The following ACTL8 variants were observed in gnomAD, a reference collection of about 807,000 sequenced individuals.
The protein encoded by ACTL8 is actin like 8.
Under a neutral mutation model 9.3 loss-of-function variants are expected in ACTL8, and 3 were observed. That is an observed-to-expected ratio of 0.32 (90% CI 0.15 to 0.83). ACTL8 has a LOEUF of 0.83. Among genes scored for constraint, ACTL8 ranks in the 40% least tolerant of loss-of-function variants. The pLI is 0.57. For missense variants in ACTL8, 381 were observed against 492.2 expected (o/e 0.77, Z 2.14); for synonymous variants, 224 against 205.9 (o/e 1.09, Z -0.75).
At chr1:17,797,549 A>T (rs1000521443) in intron 1 of ACTL8, among the ~76,000 whole-genome samples, 6 of 152,070 alleles carry the variant, frequency 3.9e-5, no homozygotes, top group African/African-American at 1.4e-4. Context: ...AAGCATTGTG[A>T]CTCTGCAGGC....
intron 1 of ACTL8, among the ~76,000 whole-genome samples, chr1:17,763,945 A>G (rs2066025916): frequency 6.6e-6 from 1 of 152,184 alleles, no homozygotes; most frequent in Admixed American, 6.5e-5. Flanking sequence ...CATTTACTAA[A>G]TGGGCTAACT....
intron 1 of ACTL8, among the ~76,000 whole-genome samples, chr1:17,757,117 A>G (rs553657695): frequency 6.6e-6 from 1 of 152,334 alleles, no homozygotes; most frequent in African/African-American, 2.4e-5. Context: ...TGACAGAGCA[A>G]GACCCTAGCT....
intron 1 of ACTL8, among the ~76,000 whole-genome samples, chr1:17,779,094 C>T (rs2066135125): frequency 6.6e-6 from 1 of 152,154 alleles, no homozygotes; most frequent in Admixed American, 6.5e-5. Flanking sequence ...AGCCCTGTTC[C>T]TCCTATACAT....
intron 1 of ACTL8, among the ~76,000 whole-genome samples, chr1:17,793,275 G>A (rs1570020706): frequency 6.6e-6 from 1 of 152,310 alleles, no homozygotes; most frequent in African/African-American, 2.4e-5. Flanking sequence ...GAAGGGTCTG[G>A]AGTGGCCATC....
chr1:17,771,641 A>G (rs560432068), intron 1 of ACTL8, among the ~76,000 whole-genome samples: 4 of 152,236 alleles, frequency 2.6e-5, no homozygotes, highest in African/African-American at 9.6e-5. Context: ...GATTGGCAGA[A>G]TTGACAGGGA....
intron 1 of ACTL8, among the ~76,000 whole-genome samples, chr1:17,820,852 TTTTAAGAA>T: frequency 6.6e-6 from 1 of 152,130 alleles, no homozygotes; most frequent in African/African-American, 2.4e-5. Flanking sequence ...ATGCTGAACT[TTTTAAGAA>T]ACTGCCACAC....
intron 1 of ACTL8, among the ~76,000 whole-genome samples, chr1:17,774,894 C>T (rs72929171): frequency 0.017 from 2,557 of 152,288 alleles, 71 homozygotes; most frequent in African/African-American, 0.058. Flanking sequence ...CCTCTCTCAG[C>T]TGGGTGGATG....
At chr1:17,825,099 T>A in intron 2 of ACTL8, among the ~76,000 whole-genome samples, 1 of 98,380 alleles carries the variant, frequency 1.0e-5, no homozygotes, top group Non-Finnish European at 1.9e-5. Flanking sequence ...TTGTAAAGAT[T>A]CAGGGGGTGA....
intron 1 of ACTL8, among the ~76,000 whole-genome samples, chr1:17,774,467 T>G (rs1570002046): frequency 6.7e-6 from 1 of 149,172 alleles, no homozygotes; most frequent in Non-Finnish European, 1.5e-5. Flanking sequence ...GGGTAGGGGG[T>G]GTTTAGGGAG....
rs1046463425 is a variant in ACTL8 at position 17,788,697 on chromosome 1, G to T, written c.-25+33193G>T. Among the ~76,000 whole-genome samples, 14 of 152,240 alleles carry T rather than the reference G, an allele frequency of 9.2e-5. 2 individuals carry two copies. Among genetic ancestry groups the T allele is most frequent in the Admixed American group, 8.5e-4 (13 of 15,286 alleles). On this transcript the variant is annotated intron_variant, in intron 1 of 2. Transcript: ENST00000375406. Reference sequence around the variant, plus strand: ...TCCTACCTGAGGAGTCCCACCCTGGGCCATAGGAAGAGGTGGGCACAGGGG... The same window carrying T: ...TCCTACCTGAGGAGTCCCACCCTGGTCCATAGGAAGAGGTGGGCACAGGGG...
chr1:17,808,949 A>G (rs973628803), intron 1 of ACTL8, among the ~76,000 whole-genome samples: 4 of 152,210 alleles, frequency 2.6e-5, no homozygotes, highest in African/African-American at 4.8e-5. Flanking sequence ...TTTAGGCTTC[A>G]TCTTGTTGGC....
chr1:17,759,205 G>T (rs144435196), intron 1 of ACTL8, among the ~76,000 whole-genome samples: 1 of 152,228 alleles, frequency 6.6e-6, no homozygotes, highest in Non-Finnish European at 1.5e-5. Flanking sequence ...TGCCTGCCTG[G>T]TGAAAATGGA....
At chr1:17,801,799 T>A (rs1339602927) in intron 1 of ACTL8, among the ~76,000 whole-genome samples, 1 of 152,236 alleles carries the variant, frequency 6.6e-6, no homozygotes, top group Non-Finnish European at 1.5e-5. Context: ...TATGAATTTT[T>A]AAATTAAATG....
intron 1 of ACTL8, among the ~76,000 whole-genome samples, chr1:17,792,707 C>G (rs1330481907): frequency 6.6e-6 from 1 of 152,198 alleles, no homozygotes; most frequent in Non-Finnish European, 1.5e-5. Context: ...GAGGCTCTTT[C>G]CTGAGCAGAG....
chr1:17,826,500 G>A lies in ACTL8; in HGVS notation c.1082G>A (p.Gly361Asp), dbSNP rs1211411612. ...GAGTGGATGTCCCGAGAGGAGTATG[G>A]TGAGCATATGAGGATGTGACCCTAC... ...QSEWMSREEY[G>D]EHMRM The change falls in exon 3 of 3, where the codon GGT becomes GAT. Residue 361 changes from glycine (G) to aspartate (D), a missense_variant. By Grantham distance (94) the Gly-to-Asp change is moderately conservative. Coordinates refer to ENST00000375406, the MANE Select transcript of ACTL8 (RefSeq NM_030812.3). The surrounding 1 kb of genome is among the most constrained non-coding windows in gnomAD (Gnocchi z 4.5). The A allele has an allele frequency of 6.3e-7, 1 of 1,585,428 alleles. No individual in the cohort carries two copies. The highest frequency in any genetic ancestry group is 1.7e-5 in the Admixed American group (1 of 58,162).
chr1:17,782,899 T>C (rs544761099), intron 1 of ACTL8, among the ~76,000 whole-genome samples: 1 of 152,250 alleles, frequency 6.6e-6, no homozygotes, highest in Non-Finnish European at 1.5e-5. Flanking sequence ...ATCTGGGAAC[T>C]GGCTTTAGGC....
At chr1:17,764,819 G>T (rs2066032664) in intron 1 of ACTL8, among the ~76,000 whole-genome samples, 3 of 152,268 alleles carry the variant, frequency 2.0e-5, no homozygotes, top group Admixed American at 2.0e-4. Context: ...GTGTTAACAG[G>T]CTGCAGTGTC....
At chr1:17,755,760 C>T (rs541986112) in intron 1 of ACTL8, among the ~76,000 whole-genome samples, 1 of 152,178 alleles carries the variant, frequency 6.6e-6, no homozygotes, top group African/African-American at 2.4e-5. Context: ...GTACCTCAGC[C>T]ACATGTGTGG....
intron 1 of ACTL8, among the ~76,000 whole-genome samples, chr1:17,778,773 G>A (rs188940197): frequency 6.6e-6 from 1 of 152,292 alleles, no homozygotes; most frequent in Admixed American, 6.5e-5. Context: ...CAATGTGTCT[G>A]ATTAGCTTTC....
Sources: allele counts gnomAD v4.1 joint callset (sites outside exome capture counted in the v4.1 genomes callset), GRCh38; gene constraint gnomAD v4.1.1; non-coding constraint Gnocchi (gnomAD v3.1); transcripts MANE v1.5; gene names NCBI Gene and HGNC (gene_info 2026-07-23, HGNC 2026-07-21).